ZNF592: variants seen among roughly 807,000 people sequenced by gnomAD.
ZNF592 encodes the protein spinocerebellar ataxia, autosomal recessive 5.
ZNF592 carries 11 observed loss-of-function variants against 80.3 expected under a neutral mutation model. That is an observed-to-expected ratio of 0.14 (90% CI 0.09 to 0.23). The LOEUF is 0.23. Among genes scored for constraint, ZNF592 ranks in the 10% least tolerant of loss-of-function variants. The pLI is 1.00. For missense variants in ZNF592, 1,420 were observed against 1,633.9 expected (o/e 0.87, Z 2.26); for synonymous variants, 646 against 640.3 (o/e 1.01, Z -0.13).
At chr15:84,759,796 G>A (rs923135937) in intron 1 of ZNF592, among the ~76,000 whole-genome samples, 3 of 152,162 alleles carry the variant, frequency 2.0e-5, no homozygotes, top group African/African-American at 7.2e-5. Context: ...ATCAGTTCCT[G>A]CAGTGAATGT....
intron 5 of ZNF592, among the ~76,000 whole-genome samples, chr15:84,796,221 C>CAAAAAAAAAAAAA (rs753718341): frequency 3.9e-5 from 1 of 25,432 alleles, no homozygotes; most frequent in African/African-American, 1.4e-4. Context: ...GACTCTGTCT[C>CAAAAAAAAAAAAA]AAAAAAAAAA....
At chr15:84,773,214 GT>G (rs35593752) in intron 2 of ZNF592, among the ~76,000 whole-genome samples, 9,220 of 138,970 alleles carry the variant, frequency 0.066, 279 homozygotes, top group African/African-American at 0.096. Context: ...ACCCACCAGG[GT>G]TTTTTTTTTT....
rs1200233959 is a variant in ZNF592, at chr15:84,802,693, A to G, written c.*300A>G. On this transcript the variant is annotated 3_prime_UTR_variant, in exon 11 of 11. Transcript: ENST00000560079. Reference sequence around the variant, plus strand: ...CAAGCTGCTTATGTGGCCCAACCCCACTGCTGTCAACTAGGCTTGAACCCC... The same window carrying G: ...CAAGCTGCTTATGTGGCCCAACCCCGCTGCTGTCAACTAGGCTTGAACCCC... 3 of 446,066 alleles carry G rather than the reference A, an allele frequency of 6.7e-6. No individual in the cohort carries two copies. The East Asian group carries it at 1.3e-4, about 20-fold the overall frequency. 27.6% of individuals were successfully genotyped at this position (446,066 alleles called of 1,614,324 possible). A position where few individuals can be genotyped will look rare whatever the true frequency, so the allele number is the denominator to read the frequency against.
chr15:84,769,015 A>C (rs1459015333), intron 2 of ZNF592, among the ~76,000 whole-genome samples: 1 of 152,104 alleles, frequency 6.6e-6, no homozygotes, highest in Non-Finnish European at 1.5e-5. Flanking sequence ...ATCGTGGCTC[A>C]CTGCAACCTC....
At chr15:84,772,336 T>G (rs1228565449) in intron 2 of ZNF592, among the ~76,000 whole-genome samples, 3 of 152,046 alleles carry the variant, frequency 2.0e-5, no homozygotes, top group Non-Finnish European at 2.9e-5. Flanking sequence ...ATTCTGACTT[T>G]CCCCTTGTCT....
intron 10 of ZNF592, among the ~76,000 whole-genome samples, chr15:84,800,196 T>C (rs1963050822): frequency 6.6e-6 from 1 of 152,198 alleles, no homozygotes; most frequent in African/African-American, 2.4e-5. Context: ...TTTGTTACTG[T>C]TGCTTCCCTG....
At position 84,792,113 on chromosome 15, in the gene ZNF592, T is replaced by C. The variant is rs1962766530; in HGVS notation, c.2399+1230T>C. ...AAGACTTCTTGAAAGGCAAGTATGA[T>C]GGTCCAGATGAGATGCTGAGGGCTT... On this transcript the variant is annotated intron_variant, in intron 5 of 10. Transcript: ENST00000560079. Among the ~76,000 whole-genome samples the C allele has an allele frequency of 2.6e-5, 4 of 151,790 alleles. No individual in the cohort carries two copies. The South Asian group carries it at 8.3e-4, about 32-fold the overall frequency.
intron 2 of ZNF592, among the ~76,000 whole-genome samples, chr15:84,767,048 G>T (rs1341717897): frequency 1.3e-5 from 2 of 152,152 alleles, no homozygotes; most frequent in Non-Finnish European, 2.9e-5. Flanking sequence ...AAGCTGGAAT[G>T]CAGTGGCGTG....
intron 2 of ZNF592, among the ~76,000 whole-genome samples, 190 bp downstream of exon 2, chr15:84,765,005 A>G (rs1899465289): frequency 6.6e-6 from 1 of 152,024 alleles, no homozygotes; most frequent in South Asian, 2.1e-4. Flanking sequence ...TACAAGCATC[A>G]CCACTGTCCA....
rs1963129989 is a variant in ZNF592, at chr15:84,802,524, C to T, written c.*131C>T. On this transcript the variant is annotated 3_prime_UTR_variant, in exon 11 of 11. Coordinates refer to ENST00000560079, the MANE Select transcript of ZNF592 (RefSeq NM_014630.3). ...CGGTTGTACCCTGGAGTAGTGTCTG[C>T]CCTGAGCTGCCAGTGCTGGGTATCC... 2.7e-6 allele frequency: 3 copies of T among 1,107,682 alleles called. No homozygotes were observed. Among genetic ancestry groups the T allele is most frequent in the Admixed American group, 4.1e-5 (2 of 48,882 alleles). 68.6% of individuals were successfully genotyped at this position (1,107,682 alleles called of 1,614,324 possible). A position where few individuals can be genotyped will look rare whatever the true frequency, so the allele number is the denominator to read the frequency against.
intron 2 of ZNF592, among the ~76,000 whole-genome samples, chr15:84,769,304 G>A (rs1383483684): frequency 6.6e-6 from 1 of 152,070 alleles, no homozygotes; most frequent in Non-Finnish European, 1.5e-5. Context: ...AGAAAGACAA[G>A]AAGGTAATGA....
At position 84,783,743 on chromosome 15, in the gene ZNF592, C is replaced by T. The variant is rs765651573; in HGVS notation, c.1068C>T (p.Ser356=). 1 of 1,614,214 alleles carries T rather than the reference C, an allele frequency of 6.2e-7. No homozygotes were observed. The highest frequency in any genetic ancestry group is 1.1e-5 in the South Asian group (1 of 91,090). ...SDSPRSICSD[S]SSKGSPSVAA... The stretch of plus-strand genomic sequence containing the variant: ...GCCCTCGTAGCATCTGCAGTGACAG[C>T]AGCAGCAAAGGCTCACCGTCTGTGG... The change falls in exon 4 of 11, where the codon AGC becomes AGT. Residue 356 remains serine, a synonymous_variant. Coordinates refer to ENST00000560079, the MANE Select transcript of ZNF592 (RefSeq NM_014630.3). The surrounding 1 kb of genome is among the most constrained non-coding windows in gnomAD (Gnocchi z 5.0).
intron 1 of ZNF592, among the ~76,000 whole-genome samples, chr15:84,758,145 T>C (rs28702748): frequency 1.3e-5 from 2 of 151,546 alleles, no homozygotes; most frequent in African/African-American, 2.4e-5. Context: ...GCTAATTTTT[T>C]ATTTTTTTTA....
At chr15:84,766,864 T>C (rs1382724534) in intron 2 of ZNF592, among the ~76,000 whole-genome samples, 1 of 152,136 alleles carries the variant, frequency 6.6e-6, no homozygotes. Flanking sequence ...AGTAATAGCA[T>C]GCTCCTCGTG....
At position 84,757,933 on chromosome 15, in the gene ZNF592, A is replaced by C. The variant is rs140290930; in HGVS notation, c.-258-6774A>C. Among the ~76,000 whole-genome samples the C allele has an allele frequency of 3.8e-3, 566 of 150,188 alleles. 2 individuals are homozygous for C. The highest frequency in any genetic ancestry group is 6.8e-3 in the Admixed American group (103 of 15,044). Reference sequence around the variant, plus strand: ...CACCTCGGCCTCCCAAAGTGCTAGGATTACAGGCGTGAGCCACTGTGCCCA... The same window carrying C: ...CACCTCGGCCTCCCAAAGTGCTAGGCTTACAGGCGTGAGCCACTGTGCCCA... On this transcript the variant is annotated intron_variant, in intron 1 of 10. Transcript: ENST00000560079.
chr15:84,792,721 G>A (rs1962784564), intron 5 of ZNF592, among the ~76,000 whole-genome samples: 1 of 152,138 alleles, frequency 6.6e-6, no homozygotes, highest in South Asian at 2.1e-4. Flanking sequence ...CCGAAGTGTT[G>A]GGATTACAGG....
chr15:84,749,947 G>A (rs1218581682), intron 1 of ZNF592, among the ~76,000 whole-genome samples: 1 of 152,256 alleles, frequency 6.6e-6, no homozygotes, highest in Non-Finnish European at 1.5e-5. Flanking sequence ...GGTGTTGGGA[G>A]TACATTGGTA....
In ZNF592 at chr15:84,798,088, G is replaced by A. The variant is rs1467384339; in HGVS notation, c.2576+43G>A. Reference sequence around the variant, plus strand: ...GCCAGCAGGCCCTGTGGAGCAGAGAGGAGTAGCCTGGGTGCTGTAGGGGGT... The same window carrying A: ...GCCAGCAGGCCCTGTGGAGCAGAGAAGAGTAGCCTGGGTGCTGTAGGGGGT... On this transcript the variant is annotated intron_variant, in intron 6 of 10. Coordinates refer to ENST00000560079, the MANE Select transcript of ZNF592 (RefSeq NM_014630.3). This position sits in a 1 kb window ranked among gnomAD's most constrained non-coding sequence, Gnocchi z 4.5. The A allele has an allele frequency of 3.7e-6, 6 of 1,608,158 alleles. No individual in the cohort carries two copies. Among genetic ancestry groups the A allele is most frequent in the Admixed American group, 1.7e-5 (1 of 59,260 alleles).
chr15:84,790,948 C>T, intron 5 of ZNF592, 65 bp downstream of exon 5: 1 of 1,601,672 alleles, frequency 6.2e-7, no homozygotes, highest in Non-Finnish European at 8.6e-7. Context: ...TAAGCCAGAA[C>T]TCATTTCAGA....
Sources: allele counts gnomAD v4.1 joint callset (sites outside exome capture counted in the v4.1 genomes callset), GRCh38; gene constraint gnomAD v4.1.1; non-coding constraint Gnocchi (gnomAD v3.1); transcripts MANE v1.5; gene names NCBI Gene and HGNC (gene_info 2026-07-23, HGNC 2026-07-21).